GOSR1: variants seen among roughly 807,000 people sequenced by gnomAD.
The protein encoded by GOSR1 is golgi SNAP receptor complex member 1.
GOSR1 carries 21 observed loss-of-function variants against 35.5 expected under a neutral mutation model. That is an observed-to-expected ratio of 0.59 (90% CI 0.42 to 0.85). The LOEUF (loss-of-function observed/expected upper bound fraction) is 0.85, where lower values mean the gene tolerates loss of function less well. Among genes scored for constraint, GOSR1 ranks in the 40% least tolerant of loss-of-function variants. The probability of loss-of-function intolerance (pLI) is 0.00; values close to 1 mark genes in which losing one functional copy is unlikely to be tolerated. For missense variants in GOSR1, 285 were observed against 309.6 expected (o/e 0.92, Z 0.60); for synonymous variants, 94 against 106.6 (o/e 0.88, Z 0.73).
At chr17:30,487,223 A>G (rs1225902783) in intron 4 of GOSR1, among the ~76,000 whole-genome samples, 2 of 152,222 alleles carry the variant, frequency 1.3e-5, no homozygotes, top group African/African-American at 4.8e-5. Context: ...AAGAGAAATT[A>G]TAAAATAAAT....
intron 6 of GOSR1, among the ~76,000 whole-genome samples, chr17:30,499,592 T>C (rs1416497152): frequency 3.9e-5 from 6 of 152,186 alleles, no homozygotes; most frequent in South Asian, 4.1e-4. Context: ...CCACCCGCCT[T>C]GGCCTCCCAA....
chr17:30,510,373 C>T (rs535399226), intron 6 of GOSR1, among the ~76,000 whole-genome samples: 20 of 151,772 alleles, frequency 1.3e-4, no homozygotes, highest in African/African-American at 4.8e-4. Flanking sequence ...CGTGCCTGGT[C>T]GTAAGATGGA....
At chr17:30,516,473 C>CAAAAAAAA (rs1445420438) in intron 7 of GOSR1, among the ~76,000 whole-genome samples, 5 of 136,770 alleles carry the variant, frequency 3.7e-5, no homozygotes, top group African/African-American at 1.4e-4. Flanking sequence ...CCGTCTCAAA[C>CAAAAAAAA]AAAAAAAAAG....
In GOSR1 at chr17:30,481,206, A is replaced by G; in HGVS notation, c.95A>G (p.Lys32Arg). The change falls in exon 2 of 9, where the codon AAA (lysine) becomes AGA (arginine). Residue 32 changes from lysine (K) to arginine (R), a missense_variant. Physicochemically the swap from Lys to Arg is conservative, Grantham distance 26. Coordinates refer to ENST00000451249, the MANE Select transcript of GOSR1 (RefSeq NM_001007025.2). The stretch of plus-strand genomic sequence containing the variant: ...GACCTGAAACTAGTTTCCTTCAGCA[A>G]ACTATGTACAAGTTACAGTCATAGC... ...ELDLKLVSFS[K>R]LCTSYSHSST... 6.2e-7 allele frequency: 1 copy of G among 1,605,056 alleles called. No individual in the cohort carries two copies. Among genetic ancestry groups the G allele is most frequent in the East Asian group, 2.2e-5 (1 of 44,832 alleles).
chr17:30,478,878 G>A (rs979156760), intron 1 of GOSR1: 9 of 152,180 alleles, frequency 5.9e-5, no homozygotes, highest in Admixed American at 3.9e-4. Flanking sequence ...TTAAAATTAT[G>A]TAGAAGAGGC....
At position 30,523,416 on chromosome 17, in the gene GOSR1, C is replaced by T. The variant is rs376513017; in HGVS notation, c.*1038C>T. 2,067 of 169,248 alleles carry T rather than the reference C, an allele frequency of 0.012. 87 individuals carry two copies. In the East Asian group the frequency reaches 0.16, roughly 13 times the overall value. The allele number at this position is 169,248 out of a possible 1,614,324, so 10.5% of individuals were successfully genotyped here. A position where few individuals can be genotyped will look rare whatever the true frequency, so the allele number is the denominator to read the frequency against. On this transcript the variant is annotated 3_prime_UTR_variant, in exon 9 of 9. Coordinates refer to ENST00000451249, the MANE Select transcript of GOSR1 (RefSeq NM_001007025.2). ...TCTGAGAAGTGAGGAGACCTCCGCCCGGCAGCCGCCCTGTCTGAGAAGTGA... is the reference window on the plus strand; with the variant it reads ...TCTGAGAAGTGAGGAGACCTCCGCCTGGCAGCCGCCCTGTCTGAGAAGTGA...
intron 6 of GOSR1, among the ~76,000 whole-genome samples, chr17:30,501,073 G>T (rs1967186567): frequency 6.6e-6 from 1 of 151,938 alleles, no homozygotes; most frequent in Non-Finnish European, 1.5e-5. Flanking sequence ...GTAGAGACGG[G>T]GTTTCACCGT....
chr17:30,486,952 A>C (rs1914721386), intron 4 of GOSR1, among the ~76,000 whole-genome samples: 1 of 152,204 alleles, frequency 6.6e-6, no homozygotes, highest in Non-Finnish European at 1.5e-5. Flanking sequence ...CAAATGACAT[A>C]ATGACACCAA....
chr17:30,519,125 A>G (rs1467712683), intron 7 of GOSR1, among the ~76,000 whole-genome samples: 1 of 152,110 alleles, frequency 6.6e-6, no homozygotes, highest in Non-Finnish European at 1.5e-5. Flanking sequence ...CAGTGGCTCC[A>G]TCACAGCTCG....
chr17:30,518,428 C>G (rs1452847888), intron 7 of GOSR1, among the ~76,000 whole-genome samples: 2 of 105,912 alleles, frequency 1.9e-5, no homozygotes, highest in Non-Finnish European at 3.7e-5. Context: ...AAATCTCAAT[C>G]TCTTGATTTA....
chr17:30,497,678 T>C (rs1368199256), intron 6 of GOSR1, among the ~76,000 whole-genome samples: 5 of 152,272 alleles, frequency 3.3e-5, no homozygotes, highest in Non-Finnish European at 7.3e-5. Context: ...TAGAGCTAAG[T>C]GATTCCAGCC....
At chr17:30,477,908 A>T in intron 1 of GOSR1, 1 of 984,756 alleles carries the variant, frequency 1.0e-6, no homozygotes, top group South Asian at 4.7e-5. Flanking sequence ...AAAGAGAAGG[A>T]GGAACTTGCA....
intron 6 of GOSR1, among the ~76,000 whole-genome samples, chr17:30,505,955 T>A (rs1967388600): frequency 6.6e-6 from 1 of 152,134 alleles, no homozygotes; most frequent in Admixed American, 6.5e-5. Flanking sequence ...CTCAAACACC[T>A]GGGGACTCAA....
At chr17:30,517,432 G>A (rs1967862798) in intron 7 of GOSR1, among the ~76,000 whole-genome samples, 1 of 152,002 alleles carries the variant, frequency 6.6e-6, no homozygotes, top group African/African-American at 2.4e-5. Context: ...TTACAGCATT[G>A]ATATTCTGCA....
intron 8 of GOSR1, 129 bp from the exon 9 acceptor site, chr17:30,522,125 G>T: frequency 1.4e-6 from 1 of 713,196 alleles, no homozygotes; most frequent in Non-Finnish European, 2.3e-6. Flanking sequence ...AGATTCCCTT[G>T]GTGTGAGTTT....
chr17:30,510,933 T>C (rs770678771), intron 7 of GOSR1, 24 bp downstream of exon 7: 2 of 1,398,698 alleles, frequency 1.4e-6, no homozygotes, highest in South Asian at 2.4e-5. Flanking sequence ...TTTGTTTTGC[T>C]TTGTTGGTTT....
intron 4 of GOSR1, among the ~76,000 whole-genome samples, chr17:30,488,224 G>A (rs1275300284): frequency 6.7e-6 from 1 of 148,234 alleles, no homozygotes; most frequent in African/African-American, 2.5e-5. Flanking sequence ...GAGTGCAGTG[G>A]CGCGGTCTTG....
chr17:30,506,598 A>C (rs1446354403), intron 6 of GOSR1, among the ~76,000 whole-genome samples: 1 of 152,248 alleles, frequency 6.6e-6, no homozygotes, highest in Non-Finnish European at 1.5e-5. Context: ...TTGAAGCAGG[A>C]AGTGCTGGTG....
intron 7 of GOSR1, among the ~76,000 whole-genome samples, chr17:30,515,425 C>T (rs1967768718): frequency 6.6e-6 from 1 of 151,902 alleles, no homozygotes; most frequent in Non-Finnish European, 1.5e-5. Flanking sequence ...CCTCACCATG[C>T]GTGATCAGGC....
Sources: gnomAD v4.1 joint callset for allele counts (sites outside exome capture counted in the v4.1 genomes callset) on GRCh38, gnomAD v4.1.1 for gene constraint, MANE v1.5 for transcripts, NCBI Gene and HGNC (gene_info 2026-07-23, HGNC 2026-07-21) for gene names.